Variants in HECW2 observed in about 807,000 individuals in gnomAD.
The protein encoded by HECW2 is HECT, C2 and WW domain containing E3 ubiquitin protein ligase 2, also known as E3 ubiquitin-protein ligase HECW2.
A neutral mutation model predicts 175.2 loss-of-function variants in HECW2; 61 were observed. That is an observed-to-expected ratio of 0.35 (90% CI 0.28 to 0.43). The LOEUF (loss-of-function observed/expected upper bound fraction) is 0.43, where lower values mean the gene tolerates loss of function less well. Among genes scored for constraint, HECW2 ranks in the 20% least tolerant of loss-of-function variants. The pLI is 1.00. For missense variants in HECW2, 1,524 were observed against 2,000.5 expected (o/e 0.76, Z 4.54); for synonymous variants, 671 against 731.0 (o/e 0.92, Z 1.32).
At position 196,547,286 on chromosome 2, in the gene HECW2, C is replaced by A. The variant is rs373483688; in HGVS notation, c.-36+46222G>T. 2.7e-3 allele frequency among the ~76,000 whole-genome samples: 417 copies of A among 152,272 alleles called. 3 individuals carry two copies. The highest frequency in any genetic ancestry group is 9.3e-3 in the African/African-American group (385 of 41,558). ...ATGTTCAGAAGGCTGGACTCAAGAA[C>A]AGGACCCTAGGAGGGATACTGCACT... On this transcript the variant is annotated intron_variant, in intron 1 of 28. Coordinates refer to ENST00000644978, the MANE Select transcript of HECW2 (RefSeq NM_001348768.2).
chr2:196,494,355 T>C (rs900309823), intron 1 of HECW2, among the ~76,000 whole-genome samples: 1 of 152,090 alleles, frequency 6.6e-6, no homozygotes, highest in Non-Finnish European at 1.5e-5. Context: ...TCTAGTAGCA[T>C]TGTGGAGGAT....
At chr2:196,211,985 T>C (rs867834796) in intron 28 of HECW2, among the ~76,000 whole-genome samples, 23 of 152,134 alleles carry the variant, frequency 1.5e-4, no homozygotes, top group African/African-American at 4.8e-4. Flanking sequence ...TATAGGCGTA[T>C]GCCACCACGC....
At chr2:196,309,063 T>G (rs1348285681) in intron 10 of HECW2, among the ~76,000 whole-genome samples, 2 of 152,214 alleles carry the variant, frequency 1.3e-5, no homozygotes, top group African/African-American at 4.8e-5. Context: ...TGTGATCACA[T>G]GCTTATCAAC....
intron 13 of HECW2, among the ~76,000 whole-genome samples, chr2:196,301,970 C>G (rs1255463221): frequency 6.6e-6 from 1 of 152,134 alleles, no homozygotes; most frequent in East Asian, 1.9e-4. Flanking sequence ...TGCCTATGTC[C>G]TGAATAGTAT....
chr2:196,426,671 G>A (rs1320414947), intron 2 of HECW2, among the ~76,000 whole-genome samples: 1 of 151,992 alleles, frequency 6.6e-6, no homozygotes, highest in East Asian at 1.9e-4. Flanking sequence ...CTTAACAGTT[G>A]GGAAATACGA....
At chr2:196,429,958 G>A (rs1180726642) in intron 2 of HECW2, among the ~76,000 whole-genome samples, 2 of 152,192 alleles carry the variant, frequency 1.3e-5, no homozygotes, top group African/African-American at 4.8e-5. Flanking sequence ...GGGCTGAGAG[G>A]AAAACAGAGT....
In HECW2 at chr2:196,551,099, G is replaced by A. The variant is rs929048611; in HGVS notation, c.-36+42409C>T. Among the ~76,000 whole-genome samples, 3 of 152,132 alleles carry A rather than the reference G, an allele frequency of 2.0e-5. No individual in the cohort carries two copies. The East Asian group carries it at 5.8e-4, about 29-fold the overall frequency. On this transcript the variant is annotated intron_variant, in intron 1 of 28. Coordinates refer to ENST00000644978, the MANE Select transcript of HECW2 (RefSeq NM_001348768.2). ...AGTAAAAATTCCATTGCCTCCAAAG[G>A]CAACTAAGAAGTTAAATGAAATCCA...
At chr2:196,397,879 C>G (rs1176111146) in intron 2 of HECW2, among the ~76,000 whole-genome samples, 1 of 152,194 alleles carries the variant, frequency 6.6e-6, no homozygotes, top group Non-Finnish European at 1.5e-5. Context: ...TCATATACCC[C>G]ATCCTCCTCA....
chr2:196,589,632 G>T (rs1691112780), intron 1 of HECW2, among the ~76,000 whole-genome samples: 1 of 152,158 alleles, frequency 6.6e-6, no homozygotes, highest in African/African-American at 2.4e-5. Flanking sequence ...GAAACTAAGA[G>T]AATGTGGAAT....
chr2:196,485,742 G>A (rs986011706), intron 1 of HECW2, among the ~76,000 whole-genome samples: 1 of 152,060 alleles, frequency 6.6e-6, no homozygotes, highest in African/African-American at 2.4e-5. Flanking sequence ...ATGATCATAA[G>A]GAAAATAAGA....
intron 1 of HECW2, among the ~76,000 whole-genome samples, chr2:196,486,244 G>A (rs561007245): frequency 1.3e-5 from 2 of 152,278 alleles, no homozygotes; most frequent in East Asian, 1.9e-4. Context: ...TAGCTGGAGC[G>A]TTTACATGGA....
At chr2:196,448,964 C>A (rs945334740) in intron 1 of HECW2, among the ~76,000 whole-genome samples, 1 of 152,092 alleles carries the variant, frequency 6.6e-6, no homozygotes, top group Non-Finnish European at 1.5e-5. Context: ...CTCCTTGAGT[C>A]AAAGTAAATC....
At chr2:196,325,267 T>G in intron 5 of HECW2, 118 bp from the exon 6 acceptor site, 1 of 664,654 alleles carries the variant, frequency 1.5e-6, no homozygotes, top group Non-Finnish European at 2.4e-6. Context: ...ATGTCCTGAT[T>G]AGAACAAGCA....
At chr2:196,286,108 C>T (rs1166609708) in intron 14 of HECW2, among the ~76,000 whole-genome samples, 1 of 152,084 alleles carries the variant, frequency 6.6e-6, no homozygotes, top group Non-Finnish European at 1.5e-5. Context: ...TGAGAGCGGA[C>T]TGTAATTTTA....
intron 1 of HECW2, among the ~76,000 whole-genome samples, chr2:196,477,417 T>C (rs13412586): frequency 6.6e-6 from 1 of 152,138 alleles, no homozygotes; most frequent in African/African-American, 2.4e-5. Flanking sequence ...CTTTTTAAAA[T>C]AAAGAAAACA....
In HECW2 at chr2:196,373,720, A is replaced by G. The variant is rs528390474; in HGVS notation, c.293-29956T>C. Among the ~76,000 whole-genome samples, 13 of 151,672 alleles carry G rather than the reference A, an allele frequency of 8.6e-5. No individual in the cohort carries two copies. In the South Asian group the frequency reaches 2.5e-3, roughly 29 times the overall value. The stretch of plus-strand genomic sequence containing the variant: ...ACAAACAAAAAAGTAATGATTATAC[A>G]TGAAAAAAATTATCTGCCATGGCTT... On this transcript the variant is annotated intron_variant, in intron 2 of 28. Coordinates refer to ENST00000644978, the MANE Select transcript of HECW2 (RefSeq NM_001348768.2).
At chr2:196,232,060 A>C (rs796799921) in intron 21 of HECW2, among the ~76,000 whole-genome samples, 9 of 152,270 alleles carry the variant, frequency 5.9e-5, no homozygotes, top group African/African-American at 2.2e-4. Flanking sequence ...TAGAATACTA[A>C]GTGTGAGGCA....
At chr2:196,398,306 GT>G in intron 2 of HECW2, among the ~76,000 whole-genome samples, 1 of 152,298 alleles carries the variant, frequency 6.6e-6, no homozygotes, top group Non-Finnish European at 1.5e-5. Flanking sequence ...AAAAAATACT[GT>G]TTGATTATGC....
chr2:196,364,931 T>C (rs555894592), intron 2 of HECW2, among the ~76,000 whole-genome samples: 4 of 152,270 alleles, frequency 2.6e-5, no homozygotes, highest in African/African-American at 4.8e-5. Flanking sequence ...GAACAGCATC[T>C]AGAAATTTCA....
Sources: gnomAD v4.1 joint callset for allele counts (sites outside exome capture counted in the v4.1 genomes callset) on GRCh38, gnomAD v4.1.1 for gene constraint, MANE v1.5 for transcripts, NCBI Gene and HGNC (gene_info 2026-07-23, HGNC 2026-07-21) for gene names.